Variants in ARHGAP42 observed in about 807,000 individuals in gnomAD.
ARHGAP42 encodes rho GTPase-activating protein 42.
In ARHGAP42, 63 loss-of-function variants were observed where a neutral mutation model predicts 125.0. That is an observed-to-expected ratio of 0.50 (90% CI 0.41 to 0.62). The LOEUF (loss-of-function observed/expected upper bound fraction) is 0.62. Among genes scored for constraint, ARHGAP42 ranks in the 20% least tolerant of loss-of-function variants. The pLI, the probability that ARHGAP42 is intolerant of heterozygous loss-of-function variation, is 0.00. For missense variants in ARHGAP42, 766 were observed against 1,024.2 expected (o/e 0.75, Z 3.44); for synonymous variants, 339 against 351.0 (o/e 0.97, Z 0.38).
intron 1 of ARHGAP42, among the ~76,000 whole-genome samples, chr11:100,768,053 G>A: frequency 6.6e-6 from 1 of 152,098 alleles, no homozygotes; most frequent in East Asian, 1.9e-4. Context: ...CTTGGACTTG[G>A]GGTTTCATGA....
At position 100,965,524 on chromosome 11, in the gene ARHGAP42, T is replaced by C. The variant is rs968880086; in HGVS notation, c.1445-147T>C. On this transcript the variant is annotated intron_variant, in intron 16 of 23. Transcript: ENST00000298815. ...CAAGTTACTCAACTTCTGCAAGCCATAGGGAATGATAATGACAGTACTACA... is the reference window on the plus strand; with the variant it reads ...CAAGTTACTCAACTTCTGCAAGCCACAGGGAATGATAATGACAGTACTACA... The C allele has an allele frequency of 2.4e-5, 17 of 707,072 alleles. No individual in the cohort carries two copies. The Admixed American group carries it at 3.2e-4, about 13-fold the overall frequency. The allele number at this position is 707,072 out of a possible 1,614,324, so 43.8% of individuals were successfully genotyped here. A position where few individuals can be genotyped will look rare whatever the true frequency, so the allele number is the denominator to read the frequency against.
intron 1 of ARHGAP42, among the ~76,000 whole-genome samples, chr11:100,702,541 A>G (rs1854143809): frequency 6.6e-6 from 1 of 150,914 alleles, no homozygotes; most frequent in Admixed American, 6.6e-5. Context: ...TGCCCGATGC[A>G]GTGTTGTAAA....
At chr11:100,826,523 T>C (rs1864518290) in intron 3 of ARHGAP42, among the ~76,000 whole-genome samples, 1 of 152,232 alleles carries the variant, frequency 6.6e-6, no homozygotes, top group Non-Finnish European at 1.5e-5. Context: ...TTCTCTCATG[T>C]ACCATAATTT....
chr11:100,702,344 A>C (rs1157788807), intron 1 of ARHGAP42, among the ~76,000 whole-genome samples: 2 of 152,172 alleles, frequency 1.3e-5, no homozygotes, highest in Admixed American at 1.3e-4. Flanking sequence ...GACTAGGTTC[A>C]CTGGCTTTTA....
chr11:100,769,096 A>G (rs1053231157), intron 1 of ARHGAP42, among the ~76,000 whole-genome samples: 9 of 152,204 alleles, frequency 5.9e-5, no homozygotes, highest in African/African-American at 2.2e-4. Flanking sequence ...ACACAGTGGT[A>G]AGTATGTATA....
chr11:100,874,297 T>C (rs1224136177), intron 4 of ARHGAP42, among the ~76,000 whole-genome samples: 2 of 152,168 alleles, frequency 1.3e-5, no homozygotes, highest in Non-Finnish European at 2.9e-5. Context: ...ATTCTTGAGA[T>C]ACCCAAACAC....
intron 4 of ARHGAP42, among the ~76,000 whole-genome samples, chr11:100,895,229 TC>T (rs1210858136): frequency 6.6e-6 from 1 of 152,150 alleles, no homozygotes. Flanking sequence ...CATCATTCAT[TC>T]ATTCATTCAT....
chr11:100,725,247 T>C (rs1312012295), intron 1 of ARHGAP42, among the ~76,000 whole-genome samples: 1 of 151,784 alleles, frequency 6.6e-6, no homozygotes, highest in Non-Finnish European at 1.5e-5. Flanking sequence ...CTAAGCTCAC[T>C]GCAACCTCTG....
intron 4 of ARHGAP42, among the ~76,000 whole-genome samples, chr11:100,883,310 A>G (rs1308783999): frequency 6.6e-6 from 1 of 152,120 alleles, no homozygotes; most frequent in Admixed American, 6.6e-5. Context: ...ACACAGCAAC[A>G]CAGTATAAAT....
intron 19 of ARHGAP42, 52 bp downstream of exon 19, chr11:100,974,655 G>A: frequency 5.4e-6 from 8 of 1,478,358 alleles, no homozygotes; most frequent in East Asian, 2.5e-5. Flanking sequence ...TGGTTCAGAT[G>A]TATTTCACTG....
At chr11:100,749,964 C>T (rs1862406971) in intron 1 of ARHGAP42, among the ~76,000 whole-genome samples, 1 of 152,148 alleles carries the variant, frequency 6.6e-6, no homozygotes, top group Non-Finnish European at 1.5e-5. Context: ...TTTCTTTCCG[C>T]GTTGCTGAGA....
At chr11:100,916,272 G>A (rs1316685592) in intron 5 of ARHGAP42, among the ~76,000 whole-genome samples, 1 of 152,176 alleles carries the variant, frequency 6.6e-6, no homozygotes, top group African/African-American at 2.4e-5. Flanking sequence ...TAAAGGAAAT[G>A]TAGAAAGACC....
rs151300125 is a variant in ARHGAP42 at position 100,742,338 on chromosome 11, C to T, written c.155-28005C>T. ...GATGCTGGGGTTGAAGTGGTCTTAACGTCTGTCTTATTCAGTGACTAATTG... is the reference window on the plus strand; with the variant it reads ...GATGCTGGGGTTGAAGTGGTCTTAATGTCTGTCTTATTCAGTGACTAATTG... On this transcript the variant is annotated intron_variant, in intron 1 of 23. Coordinates refer to ENST00000298815, the MANE Select transcript of ARHGAP42 (RefSeq NM_152432.4). 1.5e-4 allele frequency among the ~76,000 whole-genome samples: 20 copies of T among 131,380 alleles called. No homozygotes were observed. In the East Asian group the frequency reaches 2.8e-3, roughly 19 times the overall value. The allele number at this position is 131,380 out of a possible 152,430, so 86.2% of individuals were successfully genotyped here.
At chr11:100,790,208 A>G (rs1380754781) in intron 2 of ARHGAP42, among the ~76,000 whole-genome samples, 1 of 152,184 alleles carries the variant, frequency 6.6e-6, no homozygotes, top group Non-Finnish European at 1.5e-5. Context: ...ACAGTTTAGG[A>G]ATGTTTCAGA....
At chr11:100,720,549 A>G (rs1057271820) in intron 1 of ARHGAP42, among the ~76,000 whole-genome samples, 1 of 152,182 alleles carries the variant, frequency 6.6e-6, no homozygotes, top group African/African-American at 2.4e-5. Flanking sequence ...CCAGTCATAT[A>G]AAAGTGAAAA....
chr11:100,899,438 G>C (rs1229948647), intron 4 of ARHGAP42, among the ~76,000 whole-genome samples: 1 of 152,128 alleles, frequency 6.6e-6, no homozygotes, highest in Non-Finnish European at 1.5e-5. Flanking sequence ...TATTGACAGT[G>C]GGGTGTTAAA....
intron 3 of ARHGAP42, among the ~76,000 whole-genome samples, chr11:100,856,648 T>C (rs557806101): frequency 6.8e-4 from 104 of 152,268 alleles, no homozygotes; most frequent in African/African-American, 2.3e-3. Flanking sequence ...TAGGGTTATC[T>C]ACTACTGCTA....
At chr11:100,712,518 C>T (rs541716349) in intron 1 of ARHGAP42, among the ~76,000 whole-genome samples, 1 of 152,194 alleles carries the variant, frequency 6.6e-6, no homozygotes, top group African/African-American at 2.4e-5. Flanking sequence ...TATTTTTCTT[C>T]CTCCCCCCTT....
At position 100,917,110 on chromosome 11, in the gene ARHGAP42, G is replaced by C. The variant is rs561235977; in HGVS notation, c.486+3557G>C. The stretch of plus-strand genomic sequence containing the variant: ...ATTCTTACTATCTTCACATTTCTCT[G>C]TCATAGTAACAAATAATAAATAAGC... On this transcript the variant is annotated intron_variant, in intron 5 of 23. Coordinates refer to ENST00000298815, the MANE Select transcript of ARHGAP42 (RefSeq NM_152432.4). Among the ~76,000 whole-genome samples the C allele has an allele frequency of 5.9e-5, 9 of 151,726 alleles. No individual in the cohort carries two copies. The East Asian group carries it at 1.7e-3, about 29-fold the overall frequency.
Sources: allele counts gnomAD v4.1 joint callset (sites outside exome capture counted in the v4.1 genomes callset), GRCh38; gene constraint gnomAD v4.1.1; transcripts MANE v1.5; gene names NCBI Gene and HGNC (gene_info 2026-07-23, HGNC 2026-07-21).